The following LEKR1 variants were observed in gnomAD, a reference collection of about 807,000 sequenced individuals.
LEKR1 encodes leucine, glutamate and lysine rich 1.
Under a neutral mutation model 72.4 loss-of-function variants are expected in LEKR1, and 59 were observed. That is an observed-to-expected ratio of 0.82 (90% CI 0.66 to 1.01). LEKR1 has a LOEUF of 1.01. Ranked by LOEUF, LEKR1 falls within the 50% of genes least tolerant of loss-of-function variation. The probability of loss-of-function intolerance (pLI) is 0.00; values close to 1 mark genes in which losing one functional copy is unlikely to be tolerated. For missense variants in LEKR1, 728 were observed against 759.2 expected (o/e 0.96, Z 0.48); for synonymous variants, 257 against 263.2 (o/e 0.98, Z 0.23).
chr3:156,910,147 T>C (rs992594371), intron 3 of LEKR1, among the ~76,000 whole-genome samples: 6 of 152,194 alleles, frequency 3.9e-5, no homozygotes, highest in Non-Finnish European at 5.9e-5. Context: ...TTTATTGTTA[T>C]TACTATTTTA....
intron 10 of LEKR1, among the ~76,000 whole-genome samples, chr3:157,023,158 G>T (rs1733957041): frequency 6.6e-6 from 1 of 152,068 alleles, no homozygotes; most frequent in African/African-American, 2.4e-5. Flanking sequence ...GTCACCATCA[G>T]TTGTGAGTTT....
chr3:156,853,430 G>T (rs1301644058), intron 3 of LEKR1: 1 of 152,460 alleles, frequency 6.6e-6, no homozygotes, highest in Non-Finnish European at 1.5e-5. Flanking sequence ...TATTGGAATT[G>T]GAAATAAATT....
At chr3:156,873,785 G>A (rs1718241998) in intron 3 of LEKR1, among the ~76,000 whole-genome samples, 1 of 151,810 alleles carries the variant, frequency 6.6e-6, no homozygotes, top group Non-Finnish European at 1.5e-5. Context: ...TACTATATTA[G>A]TTAGGAGATT....
intron 3 of LEKR1, among the ~76,000 whole-genome samples, chr3:156,868,250 G>T (rs1717529132): frequency 6.6e-6 from 1 of 152,036 alleles, no homozygotes; most frequent in African/African-American, 2.4e-5. Context: ...CATCTATGTG[G>T]TTTCACGTAG....
At chr3:156,869,582 A>C (rs746814051) in intron 3 of LEKR1, among the ~76,000 whole-genome samples, 2 of 150,602 alleles carry the variant, frequency 1.3e-5, no homozygotes, top group Non-Finnish European at 3.0e-5. Context: ...TTTTTTTCTA[A>C]TTTCTTGTAT....
chr3:156,990,335 C>T (rs1284658971), intron 7 of LEKR1, among the ~76,000 whole-genome samples: 1 of 152,104 alleles, frequency 6.6e-6, no homozygotes, highest in African/African-American at 2.4e-5. Flanking sequence ...ATTTTGATCA[C>T]CTGATCAAGA....
intron 12 of LEKR1, among the ~76,000 whole-genome samples, chr3:157,038,073 CA>C (rs1735091294): frequency 6.6e-6 from 1 of 152,120 alleles, no homozygotes; most frequent in African/African-American, 2.4e-5. Context: ...GAATTTCGAA[CA>C]AGGAATTGAC....
In LEKR1 at chr3:156,865,426, G is replaced by T. The variant is rs111485476; in HGVS notation, c.263+12444G>T. On this transcript the variant is annotated intron_variant, in intron 3 of 12. Coordinates refer to ENST00000356539, the MANE Select transcript of LEKR1 (RefSeq NM_001004316.3). ...CTTATATAGATTTAATAAAACATATGAATGGCTTATATAATGTAATTATGA... is the reference window on the plus strand; with the variant it reads ...CTTATATAGATTTAATAAAACATATTAATGGCTTATATAATGTAATTATGA... Among the ~76,000 whole-genome samples, 270 of 152,080 alleles carry T rather than the reference G, an allele frequency of 1.8e-3. 3 individuals carry two copies. Among genetic ancestry groups the T allele is most frequent in the African/African-American group, 6.3e-3 (261 of 41,500 alleles).
intron 3 of LEKR1, among the ~76,000 whole-genome samples, chr3:156,859,965 T>A (rs1260249252): frequency 1.3e-5 from 2 of 152,210 alleles, no homozygotes; most frequent in Non-Finnish European, 2.9e-5. Flanking sequence ...GGTTGGAGAC[T>A]TCGACAGCAC....
rs1396457012 is a variant in LEKR1 at position 157,045,580 on chromosome 3, C to T, written c.1909C>T (p.Arg637Cys). 6.2e-7 allele frequency: 1 copy of T among 1,614,144 alleles called. No homozygotes were observed. The highest frequency in any genetic ancestry group is 1.7e-5 in the Admixed American group (1 of 60,010). Residue 637 changes from arginine to cysteine, a missense_variant, in exon 13 of 13, where the codon CGC becomes TGC. Arg to Cys is a radical substitution (Grantham distance 180). Coordinates refer to ENST00000356539, the MANE Select transcript of LEKR1 (RefSeq NM_001004316.3). Reference protein sequence around the residue: ...SEKGIQIPNLRGVSKPTTFPT... With the variant: ...SEKGIQIPNLCGVSKPTTFPT... The stretch of plus-strand genomic sequence containing the variant: ...AAAAGGAATCCAAATTCCCAACCTG[C>T]GCGGGGTGTCAAAACCCACCACTTT...
chr3:157,008,280 A>G (rs1373501191), intron 9 of LEKR1, among the ~76,000 whole-genome samples: 2 of 152,182 alleles, frequency 1.3e-5, no homozygotes, highest in African/African-American at 2.4e-5. Context: ...AAACCCCATC[A>G]CACAGGAGAG....
intron 5 of LEKR1, among the ~76,000 whole-genome samples, chr3:156,939,903 C>T (rs1336648879): frequency 1.3e-5 from 2 of 152,082 alleles, no homozygotes; most frequent in Non-Finnish European, 2.9e-5. Context: ...ATGTAGTCCA[C>T]ATTTTTCACA....
chr3:156,849,261 T>C (rs1258939950), intron 2 of LEKR1, among the ~76,000 whole-genome samples: 1 of 152,108 alleles, frequency 6.6e-6, no homozygotes, highest in East Asian at 1.9e-4. Flanking sequence ...TAAAAGAGGA[T>C]AGAAACAAAT....
chr3:156,999,473 A>G (rs1731846642), intron 9 of LEKR1, among the ~76,000 whole-genome samples: 1 of 151,704 alleles, frequency 6.6e-6, no homozygotes, highest in Admixed American at 6.6e-5. Flanking sequence ...AGGTTTCACA[A>G]TGAGGAGCCC....
chr3:156,967,677 T>C (rs1728755431), intron 6 of LEKR1, among the ~76,000 whole-genome samples: 1 of 152,098 alleles, frequency 6.6e-6, no homozygotes, highest in Non-Finnish European at 1.5e-5. Context: ...ATGGGGAGAA[T>C]GGAACCAAGT....
chr3:156,958,664 T>A lies in LEKR1; in HGVS notation c.745+15950T>A, dbSNP rs151289449. Among the ~76,000 whole-genome samples the A allele has an allele frequency of 2.5e-3, 387 of 152,260 alleles. 3 individuals carry two copies. Among genetic ancestry groups the A allele is most frequent in the African/African-American group, 8.8e-3 (367 of 41,552 alleles). On this transcript the variant is annotated intron_variant, in intron 6 of 12. Coordinates refer to ENST00000356539, the MANE Select transcript of LEKR1 (RefSeq NM_001004316.3). ...ACCATGTCCTGGAACTGATTTCATT[T>A]TTTCAGCAAGTATTTATTGGACATC... is the stretch of plus-strand genomic sequence containing the variant.
intron 1 of LEKR1, among the ~76,000 whole-genome samples, chr3:156,828,664 T>C (rs1331718971): frequency 6.6e-6 from 1 of 152,098 alleles, no homozygotes; most frequent in Non-Finnish European, 1.5e-5. Context: ...GACCTTTATA[T>C]TGAATGGCTT....
At chr3:156,899,090 C>T (rs1721504253) in intron 3 of LEKR1, among the ~76,000 whole-genome samples, 1 of 151,838 alleles carries the variant, frequency 6.6e-6, no homozygotes, top group Non-Finnish European at 1.5e-5. Context: ...TAGACATCAG[C>T]TAATTTATTC....
intron 3 of LEKR1, among the ~76,000 whole-genome samples, chr3:156,905,354 G>T (rs1003060253): frequency 6.6e-6 from 1 of 152,010 alleles, no homozygotes; most frequent in Admixed American, 6.6e-5. Flanking sequence ...TAACAGTAAG[G>T]GTATATTTGA....
Sources: allele counts gnomAD v4.1 joint callset (sites outside exome capture counted in the v4.1 genomes callset), GRCh38; gene constraint gnomAD v4.1.1; transcripts MANE v1.5; gene names NCBI Gene and HGNC (gene_info 2026-07-23, HGNC 2026-07-21).